The following KASH5 variants were observed in gnomAD, a reference collection of about 807,000 sequenced individuals.
KASH5 encodes the protein KASH domain containing 5.
A neutral mutation model predicts 84.2 loss-of-function variants in KASH5; 72 were observed. That is an observed-to-expected ratio of 0.85 (90% CI 0.71 to 1.04). The LOEUF (loss-of-function observed/expected upper bound fraction) is 1.04. Ranked by LOEUF, KASH5 falls within the 50% of genes least tolerant of loss-of-function variation. The probability of loss-of-function intolerance (pLI) is 0.00; values close to 1 mark genes in which losing one functional copy is unlikely to be tolerated. For synonymous variants in KASH5, 260 were observed against 279.1 expected (o/e 0.93, Z 0.68); for missense variants, 650 against 701.0 (o/e 0.93, Z 0.82).
chr19:49,417,361 C>T lies in KASH5; in HGVS notation c.1548-8C>T. On this transcript the variant is annotated splice_polypyrimidine_tract_variant and splice_region_variant and intron_variant, in intron 19 of 19. Coordinates refer to ENST00000447857, the MANE Select transcript of KASH5 (RefSeq NM_144688.5). The surrounding 1 kb of genome is among the most constrained non-coding windows in gnomAD (Gnocchi z 5.2). ...CCTGCCCTAAATGCTCTCCCACCTC[C>T]CCACCAGAGTCACTCGACATCCACT... 6.4e-7 allele frequency: 1 copy of T among 1,552,894 alleles called. No individual in the cohort carries two copies. Among genetic ancestry groups the T allele is most frequent in the Middle Eastern group, 1.7e-4 (1 of 5,984 alleles).
At chr19:49,403,672 G>A (rs1215141613) in intron 9 of KASH5, among the ~76,000 whole-genome samples, 2 of 152,316 alleles carry the variant, frequency 1.3e-5, no homozygotes, top group East Asian at 3.9e-4. Flanking sequence ...GGACCCATCT[G>A]CCCTCAGACA....
In KASH5 at chr19:49,394,641, AC is replaced by A. The variant is rs1364567724; in HGVS notation, c.148+62del. The A allele has an allele frequency of 3.0e-6, 4 of 1,319,938 alleles. No individual in the cohort carries two copies. The African/African-American group carries it at 5.8e-5, about 19-fold the overall frequency. 81.8% of individuals were successfully genotyped at this position (1,319,938 alleles called of 1,614,324 possible). ...GGGCAGGATGGGGTGGAGGCTGGGA[AC>A]TGGGGAGCCTCAGAGAGAAGACTGG... On this transcript the variant is annotated intron_variant, in intron 3 of 19. Coordinates refer to ENST00000447857, the MANE Select transcript of KASH5 (RefSeq NM_144688.5).
In KASH5 at chr19:49,399,452, G is replaced by T. The variant is rs1455861938; in HGVS notation, c.748-5G>T. ...AACCTTTGTCCTCTCTCTGGGGTTG[G>T]TCAGGAAAAGGAGCAGCAGCATCTG... On this transcript the variant is annotated splice_region_variant and splice_polypyrimidine_tract_variant and intron_variant, in intron 8 of 19. Coordinates refer to ENST00000447857, the MANE Select transcript of KASH5 (RefSeq NM_144688.5). The surrounding 1 kb of genome is among the most constrained non-coding windows in gnomAD (Gnocchi z 4.4). The T allele has an allele frequency of 6.2e-7, 1 of 1,610,644 alleles. No homozygotes were observed. Among genetic ancestry groups the T allele is most frequent in the Non-Finnish European group, 8.5e-7 (1 of 1,178,680 alleles).
intron 17 of KASH5, chr19:49,415,257 C>G: frequency 1.8e-6 from 1 of 560,730 alleles, no homozygotes; most frequent in Admixed American, 3.1e-5. Context: ...CTGCAGCCAC[C>G]ACACCGCAGG....
chr19:49,405,240 T>C (rs1974485062), intron 9 of KASH5, among the ~76,000 whole-genome samples: 1 of 151,976 alleles, frequency 6.6e-6, no homozygotes, highest in African/African-American at 2.4e-5. Context: ...GTGGATTACC[T>C]GAGGTCAGAA....
In KASH5 at chr19:49,417,061, C is replaced by A; in HGVS notation, c.1421C>A (p.Pro474Gln). Reference sequence around the variant, plus strand: ...GGAGCCCCTCGCCCTGGAGACATCCCAGAAAACCCTCCAGAGAGGTAATAG... The same window carrying A: ...GGAGCCCCTCGCCCTGGAGACATCCAAGAAAACCCTCCAGAGAGGTAATAG... ...PLGAPRPGDIPENPPERPARR... is the reference protein window; with the variant it reads ...PLGAPRPGDIQENPPERPARR... Residue 474 changes from proline (P) to glutamine (Q), a missense_variant, in exon 18 of 20, where the codon CCA (proline) becomes CAA (glutamine). By Grantham distance (76) the Pro-to-Gln change is moderately conservative. Transcript: ENST00000447857. The surrounding 1 kb of genome is among the most constrained non-coding windows in gnomAD (Gnocchi z 5.2). 6.3e-7 allele frequency: 1 copy of A among 1,597,030 alleles called. No individual in the cohort carries two copies.
chr19:49,394,266 C>T (rs1021015975), intron 2 of KASH5, among the ~76,000 whole-genome samples: 7 of 152,162 alleles, frequency 4.6e-5, no homozygotes, highest in African/African-American at 1.7e-4. Context: ...GGGGGGACTT[C>T]CTGGTTTGAA....
intron 2 of KASH5, chr19:49,393,670 T>A (rs1052381186): frequency 4.7e-5 from 7 of 149,696 alleles, no homozygotes; most frequent in Non-Finnish European, 8.8e-5. Flanking sequence ...AGTAGACAAA[T>A]AGACCCCAGG....
At position 49,417,482 on chromosome 19, in the gene KASH5, T is replaced by C. The variant is rs769970938; in HGVS notation, c.1661T>C (p.Leu554Pro). 5.8e-6 allele frequency: 9 copies of C among 1,550,348 alleles called. No individual in the cohort carries two copies. Among genetic ancestry groups the C allele is most frequent in the Non-Finnish European group, 7.0e-6 (8 of 1,147,208 alleles). Residue 554 changes from leucine to proline, a missense_variant, in exon 20 of 20, where the codon CTC becomes CCC. Physicochemically the swap from Leu to Pro is moderately conservative, Grantham distance 98. Transcript: ENST00000447857. The surrounding 1 kb of genome is among the most constrained non-coding windows in gnomAD (Gnocchi z 5.2). ...CCTCCCACCTGGCCCCACCTCCAGC[T>C]CTGCTACCTCCAGCCCCCTCCAGTG... ...SPPPTWPHLQ[L>P]CYLQPPPV
chr19:49,391,304 T>C (rs1973997471), intron 2 of KASH5, among the ~76,000 whole-genome samples: 1 of 152,204 alleles, frequency 6.6e-6, no homozygotes, highest in African/African-American at 2.4e-5. Context: ...TCATGTTTTG[T>C]CTCTGTCTCC....
At chr19:49,411,129 G>T (rs1414698641) in intron 15 of KASH5, among the ~76,000 whole-genome samples, 1 of 151,686 alleles carries the variant, frequency 6.6e-6, no homozygotes, top group East Asian at 1.9e-4. Flanking sequence ...TTGTAGAAAT[G>T]AGGTCTCCCT....
At chr19:49,402,362 A>G (rs1974388241) in intron 9 of KASH5, among the ~76,000 whole-genome samples, 2 of 151,784 alleles carry the variant, frequency 1.3e-5, no homozygotes, top group African/African-American at 4.8e-5. Flanking sequence ...AACCTAGGCA[A>G]CATAGTGAGA....
chr19:49,396,153 C>T (rs941294050), intron 5 of KASH5, among the ~76,000 whole-genome samples: 1 of 152,028 alleles, frequency 6.6e-6, no homozygotes, highest in African/African-American at 2.4e-5. Flanking sequence ...ACTGGTCTTG[C>T]TGCCCTTCCT....
intron 1 of KASH5, among the ~76,000 whole-genome samples, chr19:49,388,817 C>G (rs1207194744): frequency 6.6e-6 from 1 of 152,070 alleles, no homozygotes; most frequent in Non-Finnish European, 1.5e-5. Flanking sequence ...ACTTCTCCCT[C>G]AGAGCCTGCC....
rs1252390290 is a variant in KASH5, at chr19:49,399,795, C to A, written c.798+288C>A. On this transcript the variant is annotated intron_variant, in intron 9 of 19. Transcript: ENST00000447857. The surrounding 1 kb of genome is among the most constrained non-coding windows in gnomAD (Gnocchi z 4.4). ...CAGTTGCCTCACCTATAAAGATGAA[C>A]AAAACAATGGCATCTGCCTCAGTGG... 1.5e-6 allele frequency: 1 copy of A among 662,768 alleles called. No homozygotes were observed. Among genetic ancestry groups the A allele is most frequent in the Non-Finnish European group, 2.3e-6 (1 of 429,966 alleles). 41.1% of individuals were successfully genotyped at this position (662,768 alleles called of 1,614,324 possible).
intron 11 of KASH5, 121 bp from the exon 12 acceptor site, chr19:49,407,491 C>A: frequency 2.5e-6 from 3 of 1,190,958 alleles, no homozygotes; most frequent in Non-Finnish European, 3.6e-6. Flanking sequence ...CTCCCTTGTG[C>A]CCCAGCTCTT....
intron 1 of KASH5, among the ~76,000 whole-genome samples, chr19:49,388,692 CAA>C (rs947198504): frequency 5.1e-4 from 45 of 88,170 alleles, no homozygotes; most frequent in African/African-American, 9.5e-4. Flanking sequence ...GACTCCGTCT[CAA>C]AAAAAAAAAA....
At chr19:49,391,181 T>A (rs1191023527) in intron 2 of KASH5, among the ~76,000 whole-genome samples, 3 of 152,122 alleles carry the variant, frequency 2.0e-5, no homozygotes, top group Non-Finnish European at 4.4e-5. Flanking sequence ...CACCCCTTAC[T>A]CCATTCAGAT....
At chr19:49,394,612 G>A (rs1218165076) in intron 3 of KASH5, 32 bp downstream of exon 3, 1 of 1,549,438 alleles carries the variant, frequency 6.5e-7, no homozygotes, top group South Asian at 1.1e-5. Flanking sequence ...CTGGGGACCA[G>A]TGCGGGCAGG....
Sources: gnomAD v4.1 joint callset for allele counts (sites outside exome capture counted in the v4.1 genomes callset) on GRCh38, gnomAD v4.1.1 for gene constraint, Gnocchi (gnomAD v3.1) non-coding constraint, MANE v1.5 for transcripts, NCBI Gene and HGNC (gene_info 2026-07-23, HGNC 2026-07-21) for gene names.